TAMM41: variants seen among roughly 807,000 people sequenced by gnomAD.
The protein encoded by TAMM41 is TAM41 mitochondrial translocator assembly and maintenance homolog.
In TAMM41, 36 loss-of-function variants were observed where a neutral mutation model predicts 44.1. That is an observed-to-expected ratio of 0.82 (90% CI 0.63 to 1.08). The LOEUF (loss-of-function observed/expected upper bound fraction) is 1.08. TAMM41 is among the 50% of genes least tolerant of loss of function. The probability of loss-of-function intolerance (pLI) is 0.00; values close to 1 mark genes in which losing one functional copy is unlikely to be tolerated. For missense variants in TAMM41, 417 were observed against 404.3 expected (o/e 1.03, Z -0.27); for synonymous variants, 164 against 153.1 (o/e 1.07, Z -0.53).
chr3:11,841,730 T>TC (rs558801761), intron 2 of TAMM41, among the ~76,000 whole-genome samples: 2 of 152,172 alleles, frequency 1.3e-5, no homozygotes, highest in South Asian at 4.2e-4. Flanking sequence ...GTCAGCCTTT[T>TC]CCCCCCAACT....
chr3:11,796,379 T>C (rs2124922820), intron 7 of TAMM41, among the ~76,000 whole-genome samples: 1 of 152,260 alleles, frequency 6.6e-6, no homozygotes, highest in South Asian at 2.1e-4. Context: ...GAGAATAACA[T>C]ACCATAGTCA....
chr3:11,753,846 T>C, the TAMM41 span, among the ~76,000 whole-genome samples: 1 of 152,044 alleles, frequency 6.6e-6, no homozygotes, highest in African/African-American at 2.4e-5. Context: ...GGAGATTGTA[T>C]GTCTGACGTG....
the TAMM41 span, among the ~76,000 whole-genome samples, chr3:11,750,290 C>T: frequency 6.6e-6 from 1 of 151,630 alleles, no homozygotes; most frequent in East Asian, 1.9e-4. Flanking sequence ...CAAGACTAAC[C>T]CTCTACAGTA....
the TAMM41 span, among the ~76,000 whole-genome samples, chr3:11,737,436 T>G: frequency 6.6e-6 from 1 of 151,964 alleles, no homozygotes; most frequent in Non-Finnish European, 1.5e-5. Context: ...TTCTCCTTCC[T>G]CAGCCTCCAG....
At chr3:11,748,769 C>T in the TAMM41 span, among the ~76,000 whole-genome samples, 1 of 152,052 alleles carries the variant, frequency 6.6e-6, no homozygotes, top group Non-Finnish European at 1.5e-5. Flanking sequence ...TTTCTGTAGG[C>T]GCTATCAGAG....
chr3:11,829,228 C>T (rs1575688092), intron 4 of TAMM41, among the ~76,000 whole-genome samples: 1 of 152,190 alleles, frequency 6.6e-6, no homozygotes, highest in African/African-American at 2.4e-5. Context: ...GAACTTGTTT[C>T]TAAAAATAAA....
At chr3:11,752,309 A>G in the TAMM41 span, among the ~76,000 whole-genome samples, 6 of 152,108 alleles carry the variant, frequency 3.9e-5, no homozygotes, top group Non-Finnish European at 5.9e-5. Flanking sequence ...TATTGTGAAG[A>G]GCAAAAGAAC....
chr3:11,776,724 G>A, the TAMM41 span, among the ~76,000 whole-genome samples: 5,740 of 152,242 alleles, frequency 0.038, 346 homozygotes, highest in African/African-American at 0.13. Context: ...TGCAGAGACA[G>A]ACCATCCAGG....
the TAMM41 span, among the ~76,000 whole-genome samples, chr3:11,765,548 AC>A: frequency 6.6e-6 from 1 of 152,204 alleles, no homozygotes; most frequent in Non-Finnish European, 1.5e-5. Context: ...TCCTCAGGAT[AC>A]CCCATATTAA....
At chr3:11,749,901 CTTTTTTTT>C in the TAMM41 span, among the ~76,000 whole-genome samples, 79 of 135,970 alleles carry the variant, frequency 5.8e-4, no homozygotes, top group South Asian at 0.017. Context: ...CTTTTTCTTT[CTTTTTTTT>C]TTTTTTTTGA....
downstream of TAMM41, among the ~76,000 whole-genome samples, chr3:11,789,199 T>C (rs2077435277): frequency 6.6e-6 from 1 of 152,210 alleles, no homozygotes; most frequent in African/African-American, 2.4e-5. Flanking sequence ...ATCTGGTCAG[T>C]AGTGGCGATG....
the TAMM41 span, among the ~76,000 whole-genome samples, chr3:11,779,266 C>T: frequency 2.0e-5 from 3 of 152,146 alleles, no homozygotes; most frequent in Non-Finnish European, 2.9e-5. Flanking sequence ...ACTTTCCAGC[C>T]ATCAGAATCA....
At chr3:11,782,845 A>G in the TAMM41 span, among the ~76,000 whole-genome samples, 88,224 of 152,086 alleles carry the variant, frequency 0.58, 26,616 homozygotes, top group East Asian at 0.76. Flanking sequence ...TGCCTGAGTC[A>G]ATGAGCATCT....
rs1015446168 is a variant in TAMM41, at chr3:11,835,353, TA to T, written c.411+3868del. On this transcript the variant is annotated intron_variant, in intron 3 of 7. Coordinates refer to ENST00000455809, the MANE Select transcript of TAMM41 (RefSeq NM_001284401.2). Reference sequence around the variant, plus strand: ...AATTTGCCCATTTATCATTCTCAATTAAAAAAAAAATATGTTCATCACTTTC... The same window carrying T: ...AATTTGCCCATTTATCATTCTCAATTAAAAAAAAATATGTTCATCACTTTC... 3.5e-3 allele frequency among the ~76,000 whole-genome samples: 520 copies of T among 149,670 alleles called. 2 individuals carry two copies. The highest frequency in any genetic ancestry group is 0.011 in the African/African-American group (468 of 41,018).
Position 11,841,104 on chromosome 3 carries a change from A to G in TAMM41, c.319-1790T>C, listed in dbSNP as rs2079419709. ...TTTTTTTTTTTTTTTTTTTTTTGAG[A>G]CAGAGTCTTACTCTGTTGCCCATGC... On this transcript the variant is annotated intron_variant, in intron 2 of 7. Transcript: ENST00000455809. 4.0e-5 allele frequency among the ~76,000 whole-genome samples: 4 copies of G among 100,842 alleles called. No homozygotes were observed. In the Admixed American group the frequency reaches 5.4e-4, roughly 14 times the overall value. The allele number at this position is 100,842 out of a possible 152,430, so 66.2% of individuals were successfully genotyped here.
intron 7 of TAMM41, among the ~76,000 whole-genome samples, chr3:11,805,170 T>G (rs2077870752): frequency 6.6e-6 from 1 of 151,984 alleles, no homozygotes; most frequent in East Asian, 1.9e-4. Flanking sequence ...CCCAGCTAAT[T>G]TTTTGTATTT....
the TAMM41 span, among the ~76,000 whole-genome samples, chr3:11,755,922 T>C: frequency 6.6e-6 from 1 of 150,998 alleles, no homozygotes; most frequent in East Asian, 1.9e-4. Context: ...GATGTTAGCA[T>C]GGACGAGTAT....
the TAMM41 span, among the ~76,000 whole-genome samples, chr3:11,738,093 G>A: frequency 6.6e-6 from 1 of 152,286 alleles, no homozygotes; most frequent in African/African-American, 2.4e-5. Context: ...AGATGAAAAG[G>A]TCGTTCAGAT....
downstream of TAMM41, among the ~76,000 whole-genome samples, chr3:11,789,432 CAAAT>C (rs2077437222): frequency 6.6e-6 from 1 of 152,166 alleles, no homozygotes; most frequent in Non-Finnish European, 1.5e-5. Context: ...GAGGTTCAAT[CAAAT>C]AGATTCATAT....
Sources: gnomAD v4.1 joint callset for allele counts (sites outside exome capture counted in the v4.1 genomes callset) on GRCh38, gnomAD v4.1.1 for gene constraint, MANE v1.5 for transcripts, NCBI Gene and HGNC (gene_info 2026-07-23, HGNC 2026-07-21) for gene names.